HTT: variants seen among roughly 807,000 people sequenced by gnomAD.
HTT encodes huntington disease protein.
Under a neutral mutation model 362.3 loss-of-function variants are expected in HTT, and 104 were observed. That is an observed-to-expected ratio of 0.29 (90% CI 0.24 to 0.34). The LOEUF (loss-of-function observed/expected upper bound fraction) is 0.34. HTT is among the 10% of genes least tolerant of loss of function. HTT has a pLI of 1.00. For missense variants in HTT, 3,301 were observed against 3,928.6 expected, an observed-to-expected ratio of 0.84 and a Z score of 4.27; for synonymous variants, 1,577 against 1,548.7, an observed-to-expected ratio of 1.02 and a Z score of -0.43.
Position 3,235,676 on chromosome 4 carries a change from G to T in HTT, c.8683G>T (p.Asp2895Tyr), listed in dbSNP as rs1721491735. Residue 2895 changes from aspartate to tyrosine, a missense_variant, in exon 63 of 67, where the codon GAT becomes TAT. Physicochemically the swap from Asp to Tyr is radical, Grantham distance 160. Transcript: ENST00000355072. ...LLLSEQLSRLDAESLVKLSVD... is the reference protein window; with the variant it reads ...LLLSEQLSRLYAESLVKLSVD... ...GCTCTCTGAGCAGCTCTCCCGCCTG[G>T]ATGCAGAATCGCTGGTCAAGCTGAG... is the stretch of plus-strand genomic sequence containing the variant. 3 of 1,613,704 alleles carry T rather than the reference G, an allele frequency of 1.9e-6. No homozygotes were observed. The highest frequency in any genetic ancestry group is 2.5e-6 in the Non-Finnish European group (3 of 1,180,040).
intron 8 of HTT, among the ~76,000 whole-genome samples, chr4:3,117,249 CA>C (rs1470235370): frequency 6.6e-6 from 1 of 152,004 alleles, no homozygotes; most frequent in Non-Finnish European, 1.5e-5. Flanking sequence ...ATTTCCTTCA[CA>C]AAAAACACTG....
chr4:3,163,312 G>A (rs897715581), intron 29 of HTT, among the ~76,000 whole-genome samples: 7 of 152,188 alleles, frequency 4.6e-5, no homozygotes, highest in African/African-American at 1.4e-4. Context: ...TTGATGTGCT[G>A]CTGGATTCAG....
intron 29 of HTT, among the ~76,000 whole-genome samples, chr4:3,164,550 G>C (rs1055330278): frequency 6.6e-6 from 1 of 151,324 alleles, no homozygotes; most frequent in African/African-American, 2.4e-5. Flanking sequence ...ACTATTACCG[G>C]GTGGGAGTCT....
At chr4:3,119,457 T>C (rs1305071706) in intron 8 of HTT, among the ~76,000 whole-genome samples, 1 of 152,248 alleles carries the variant, frequency 6.6e-6, no homozygotes, top group African/African-American at 2.4e-5. Context: ...GAAATCTTTC[T>C]TTCTTTCTGA....
At chr4:3,173,157 C>A (rs985191714) in intron 31 of HTT, 26 bp downstream of exon 31, 2 of 1,579,252 alleles carry the variant, frequency 1.3e-6, no homozygotes, top group South Asian at 2.2e-5. Context: ...AGAATGCTGT[C>A]GTTGGTGGAA....
At chr4:3,188,741 C>G (rs1170329025) in intron 39 of HTT, 1 of 519,398 alleles carries the variant, frequency 1.9e-6, no homozygotes, top group African/African-American at 1.9e-5. Flanking sequence ...AAAATGCTAC[C>G]TGCCATTTCA....
At chr4:3,113,156 C>T (rs1427537370) in intron 6 of HTT, 2 of 249,788 alleles carry the variant, frequency 8.0e-6, no homozygotes, top group Non-Finnish European at 1.3e-5. Context: ...CTCCTGTTAG[C>T]TGGCTTGGAG....
intron 29 of HTT, among the ~76,000 whole-genome samples, chr4:3,169,850 A>G (rs1360747487): frequency 6.6e-6 from 1 of 152,224 alleles, no homozygotes; most frequent in Non-Finnish European, 1.5e-5. Flanking sequence ...TTGGGATTAT[A>G]GGCATGAGCC....
chr4:3,229,391 C>A (rs923808882), intron 59 of HTT, among the ~76,000 whole-genome samples: 1 of 147,972 alleles, frequency 6.8e-6, no homozygotes, highest in African/African-American at 2.6e-5. Context: ...GTGCACACAC[C>A]CCACACACCA....
chr4:3,170,412 C>T (rs1281274755), intron 29 of HTT, among the ~76,000 whole-genome samples: 1 of 152,146 alleles, frequency 6.6e-6, no homozygotes, highest in Non-Finnish European at 1.5e-5. Context: ...TTCCAGTCCG[C>T]CTGCTGAGAA....
rs917033447 is a variant in HTT, at chr4:3,218,177, A to G, written c.7242+225A>G. 6.6e-6 allele frequency among the ~76,000 whole-genome samples: 1 copy of G among 152,236 alleles called. No homozygotes were observed. The highest frequency in any genetic ancestry group is 1.9e-4 in the East Asian group (1 of 5,202). On this transcript the variant is annotated intron_variant, in intron 52 of 66. Coordinates refer to ENST00000355072, the MANE Select transcript of HTT (RefSeq NM_001388492.1). This position sits in a 1 kb window ranked among gnomAD's most constrained non-coding sequence, Gnocchi z 4.4. ...GTTTTCTAAAATGAACTGAGGCCCT[A>G]CATCCCTAAGAGATTAGTGTTAGAC...
At chr4:3,100,388 G>T (rs998702588) in intron 3 of HTT, among the ~76,000 whole-genome samples, 2 of 152,200 alleles carry the variant, frequency 1.3e-5, no homozygotes, top group Non-Finnish European at 2.9e-5. Context: ...GGTTTCCATG[G>T]TATCCTTTTG....
At chr4:3,212,263 G>A in intron 48 of HTT, 121 bp downstream of exon 48, 1 of 825,326 alleles carries the variant, frequency 1.2e-6, no homozygotes, top group Non-Finnish European at 1.9e-6. Flanking sequence ...GTTTACAGAG[G>A]TAGCTAAAGA....
chr4:3,222,461 A>G lies in HTT; in HGVS notation c.7444A>G (p.Met2482Val), dbSNP rs369228257. Residue 2482 changes from methionine to valine, a missense_variant, in exon 54 of 67, where the codon ATG becomes GTG. Physicochemically the swap from Met to Val is conservative, Grantham distance 21. Around this residue, in one of 4 missense-constraint regions of HTT, gnomAD observed 753 missense variants for 1,021.3 expected, o/e 0.74. Transcript: ENST00000355072. ...TGTCCTGGTGACGCAGCCCCTCGTGATGGAGCAGGAGGAGAGCCCACCAGA... is the reference window on the plus strand; with the variant it reads ...TGTCCTGGTGACGCAGCCCCTCGTGGTGGAGCAGGAGGAGAGCCCACCAGA... ...LGVLVTQPLV[M>V]EQEESPPEED... is the part of the protein sequence containing the mutation. 29 of 1,614,104 alleles carry G rather than the reference A, an allele frequency of 1.8e-5. No individual in the cohort carries two copies. The East Asian group carries it at 6.5e-4, about 36-fold the overall frequency.
intron 40 of HTT, among the ~76,000 whole-genome samples, chr4:3,199,091 C>G (rs1316892714): frequency 1.3e-5 from 2 of 152,178 alleles, no homozygotes; most frequent in Non-Finnish European, 2.9e-5. Flanking sequence ...TGCAGTGATT[C>G]GAGGCGCTGA....
intron 29 of HTT, among the ~76,000 whole-genome samples, chr4:3,170,388 A>G (rs1004538239): frequency 6.6e-6 from 1 of 152,158 alleles, no homozygotes; most frequent in African/African-American, 2.4e-5. Context: ...CTAATGAACC[A>G]GAAAGTTTGG....
chr4:3,176,228 T>C (rs576722216), intron 33 of HTT, among the ~76,000 whole-genome samples: 67 of 152,096 alleles, frequency 4.4e-4, no homozygotes, highest in Non-Finnish European at 7.7e-4. Context: ...GAGGTTTCAC[T>C]GTGTTAGCCA....
chr4:3,121,074 T>C (rs1028121781), intron 8 of HTT, among the ~76,000 whole-genome samples, 154 bp from the exon 9 acceptor site: 5 of 152,208 alleles, frequency 3.3e-5, no homozygotes, highest in Admixed American at 6.5e-5. Flanking sequence ...TGGAAGCTAA[T>C]GATCACATTG....
intron 1 of HTT, 111 bp from the exon 2 acceptor site, chr4:3,086,828 G>C (rs1487367969): frequency 3.2e-6 from 2 of 634,426 alleles, no homozygotes; most frequent in Admixed American, 4.9e-5. Context: ...GGAGTATAAC[G>C]GTTTATTCAT....
Sources: gnomAD v4.1 joint callset for allele counts (sites outside exome capture counted in the v4.1 genomes callset) on GRCh38, gnomAD v4.1.1 for gene constraint, gnomAD v4.1.1 regional missense constraint, Gnocchi (gnomAD v3.1) non-coding constraint, MANE v1.5 for transcripts, NCBI Gene and HGNC (gene_info 2026-07-23, HGNC 2026-07-21) for gene names.